Variants in NCOA2 observed in about 807,000 individuals in gnomAD.
NCOA2 encodes nuclear receptor coactivator 2.
In NCOA2, 21 loss-of-function variants were observed where a neutral mutation model predicts 145.1. The observed-to-expected ratio is 0.14, with a 90% CI of 0.10 to 0.21. NCOA2 has a LOEUF of 0.21. NCOA2 is among the 10% of genes least tolerant of loss of function. NCOA2 has a pLI of 1.00. For missense variants in NCOA2, 1,472 were observed against 1,837.6 expected, an observed-to-expected ratio of 0.80 and a Z score of 3.64; for synonymous variants, 619 against 637.5, an observed-to-expected ratio of 0.97 and a Z score of 0.44.
chr8:70,427,629 A>C, the NCOA2 span, among the ~76,000 whole-genome samples: 1 of 152,200 alleles, frequency 6.6e-6, no homozygotes, highest in African/African-American at 2.4e-5. Context: ...TAAAAAGTTG[A>C]GTAGTGATTT....
intron 1 of NCOA2, among the ~76,000 whole-genome samples, chr8:70,369,862 T>C (rs926828882): frequency 1.5e-4 from 23 of 151,946 alleles, no homozygotes; most frequent in African/African-American, 5.3e-4. Context: ...AAAGGCAGAA[T>C]AGTGCCTCAT....
intron 1 of NCOA2, among the ~76,000 whole-genome samples, chr8:70,337,200 A>AGTGTGTGT (rs72265721): frequency 0.019 from 2,771 of 146,300 alleles, 78 homozygotes; most frequent in African/African-American, 0.065. Flanking sequence ...ACTGCTGAGG[A>AGTGTGTGT]GTGTGTGTGT....
At chr8:70,144,587 A>T in intron 13 of NCOA2, 55 bp downstream of exon 13, 2 of 1,405,554 alleles carry the variant, frequency 1.4e-6, no homozygotes, top group Admixed American at 3.5e-5. Flanking sequence ...GTGGATAAAT[A>T]TACCATTAAA....
At chr8:70,209,756 G>A (rs549559466) in intron 4 of NCOA2, among the ~76,000 whole-genome samples, 109 of 152,226 alleles carry the variant, frequency 7.2e-4, no homozygotes, top group African/African-American at 2.4e-3. Flanking sequence ...ACCATTGTAC[G>A]CTTAATAGAC....
the NCOA2 span, among the ~76,000 whole-genome samples, chr8:70,444,777 T>C: frequency 6.6e-6 from 1 of 152,246 alleles, no homozygotes; most frequent in African/African-American, 2.4e-5. Context: ...ATGCAGATCT[T>C]TGAAAGCTTT....
rs769343832 is a variant in NCOA2, at chr8:70,124,683, G to A, written c.4094+5C>T. On this transcript the variant is annotated splice_donor_5th_base_variant and intron_variant, in intron 20 of 22. Transcript: ENST00000452400. The stretch of plus-strand genomic sequence containing the variant: ...GGTATGAAAAGGAGAAGGATTTGCG[G>A]TTACCTGTTTCCGCCCATGTTCCCC... 6.3e-7 allele frequency: 1 copy of A among 1,599,646 alleles called. No individual in the cohort carries two copies. Among genetic ancestry groups the A allele is most frequent in the Non-Finnish European group, 8.5e-7 (1 of 1,173,534 alleles).
chr8:70,442,528 C>A, the NCOA2 span, among the ~76,000 whole-genome samples: 1 of 152,272 alleles, frequency 6.6e-6, no homozygotes, highest in South Asian at 2.1e-4. Context: ...CTTGAAAAAA[C>A]CTTCATTTGC....
intron 2 of NCOA2, among the ~76,000 whole-genome samples, chr8:70,236,064 CA>C (rs1206891175): frequency 6.6e-6 from 1 of 152,086 alleles, no homozygotes; most frequent in Admixed American, 6.5e-5. Flanking sequence ...TCCCCGCCCC[CA>C]AAATGCCCCA....
At chr8:70,271,726 G>A (rs1279430945) in intron 2 of NCOA2, among the ~76,000 whole-genome samples, 1 of 152,222 alleles carries the variant, frequency 6.6e-6, no homozygotes, top group Non-Finnish European at 1.5e-5. Flanking sequence ...GCACGACTGA[G>A]ATAGACAGAA....
At chr8:70,136,167 A>G (rs1053827483) in intron 15 of NCOA2, among the ~76,000 whole-genome samples, 2 of 152,184 alleles carry the variant, frequency 1.3e-5, no homozygotes, top group Admixed American at 6.5e-5. Flanking sequence ...TGAGGTCAGG[A>G]GTTCGAGACC....
chr8:70,236,500 T>C (rs1288431833), intron 2 of NCOA2, among the ~76,000 whole-genome samples: 1 of 152,032 alleles, frequency 6.6e-6, no homozygotes, highest in Non-Finnish European at 1.5e-5. Flanking sequence ...ATAAGCCATA[T>C]ATCTTGTCCT....
chr8:70,252,454 C>G (rs1823276088), intron 2 of NCOA2, among the ~76,000 whole-genome samples: 1 of 152,150 alleles, frequency 6.6e-6, no homozygotes, highest in Non-Finnish European at 1.5e-5. Context: ...GGGAATGGAA[C>G]TTTCAGGGTA....
intron 4 of NCOA2, among the ~76,000 whole-genome samples, chr8:70,207,862 C>CAAAAAAAAAAAAAAAAAA (rs754670876): frequency 8.3e-5 from 3 of 36,188 alleles, no homozygotes; most frequent in African/African-American, 3.2e-4. Context: ...GACTCCACCT[C>CAAAAAAAAAAAAAAAAAA]AAAAAAAAAA....
intron 21 of NCOA2, among the ~76,000 whole-genome samples, chr8:70,123,623 CAA>C (rs1808075859): frequency 6.6e-6 from 1 of 151,776 alleles, no homozygotes; most frequent in Admixed American, 6.6e-5. Context: ...GTGAATTCCT[CAA>C]GAGAAAAATG....
intron 12 of NCOA2, among the ~76,000 whole-genome samples, chr8:70,147,331 G>A (rs1212442547): frequency 6.6e-6 from 1 of 152,110 alleles, no homozygotes; most frequent in Non-Finnish European, 1.5e-5. Context: ...TCCTATTTCA[G>A]AATGGTCAGA....
At chr8:70,435,512 T>C in the NCOA2 span, among the ~76,000 whole-genome samples, 1 of 150,746 alleles carries the variant, frequency 6.6e-6, no homozygotes, top group Non-Finnish European at 1.5e-5. Context: ...TACTGCTTTT[T>C]AGCTGTGTGA....
chr8:70,222,203 A>G (rs11785897), intron 2 of NCOA2, among the ~76,000 whole-genome samples: 118,334 of 152,112 alleles, frequency 0.78, 46,823 homozygotes, highest in Non-Finnish European at 0.84. Flanking sequence ...TTGTTTTCAA[A>G]TAAGTTCAAC....
intron 1 of NCOA2, among the ~76,000 whole-genome samples, chr8:70,380,406 CACAT>C (rs1563826391): frequency 6.6e-6 from 1 of 152,138 alleles, no homozygotes; most frequent in Non-Finnish European, 1.5e-5. Context: ...CTCACACACA[CACAT>C]ACTTTAAATC....
chr8:70,428,347 C>T, the NCOA2 span, among the ~76,000 whole-genome samples: 1 of 152,106 alleles, frequency 6.6e-6, no homozygotes, highest in Non-Finnish European at 1.5e-5. Context: ...ATAATTTCAG[C>T]TACTCCAGAG....
Sources: gnomAD v4.1 joint callset for allele counts (sites outside exome capture counted in the v4.1 genomes callset) on GRCh38, gnomAD v4.1.1 for gene constraint, MANE v1.5 for transcripts, NCBI Gene and HGNC (gene_info 2026-07-23, HGNC 2026-07-21) for gene names.